Variants in ARID4B observed in about 807,000 individuals in gnomAD.
ARID4B encodes the protein AT-rich interactive domain-containing protein 4B.
A neutral mutation model predicts 147.5 loss-of-function variants in ARID4B; 26 were observed. That is an observed-to-expected ratio of 0.18 (90% CI 0.13 to 0.24). The LOEUF (loss-of-function observed/expected upper bound fraction) is 0.24, where lower values mean the gene tolerates loss of function less well. ARID4B is among the 10% of genes least tolerant of loss of function. The pLI, the probability that ARID4B is intolerant of heterozygous loss-of-function variation, is 1.00. For synonymous variants in ARID4B, 512 were observed against 507.9 expected (o/e 1.01, Z -0.11); for missense variants, 1,179 against 1,511.5 (o/e 0.78, Z 3.65).
At chr1:235,249,973 G>A (rs983523641) in intron 6 of ARID4B, among the ~76,000 whole-genome samples, 2 of 151,232 alleles carry the variant, frequency 1.3e-5, no homozygotes, top group African/African-American at 4.9e-5. Flanking sequence ...CAGGCGTGGG[G>A]GCAGGTGCCT....
intron 17 of ARID4B, among the ~76,000 whole-genome samples, chr1:235,204,937 T>A (rs563761726): frequency 6.6e-6 from 1 of 152,144 alleles, no homozygotes; most frequent in African/African-American, 2.4e-5. Flanking sequence ...ATGAAGGAAA[T>A]GTTTATGTTC....
intron 2 of ARID4B, among the ~76,000 whole-genome samples, chr1:235,303,017 G>A (rs1350850030): frequency 1.3e-5 from 2 of 151,770 alleles, no homozygotes; most frequent in African/African-American, 2.4e-5. Flanking sequence ...TCCGCCTCCC[G>A]GGTTCACGCC....
intron 7 of ARID4B, among the ~76,000 whole-genome samples, chr1:235,241,675 C>T (rs899818337): frequency 3.3e-5 from 5 of 151,968 alleles, no homozygotes; most frequent in Admixed American, 6.6e-5. Context: ...CCTGCCACCA[C>T]GCCCAGCTAA....
At chr1:235,277,567 A>G (rs1671402677) in intron 2 of ARID4B, among the ~76,000 whole-genome samples, 1 of 150,018 alleles carries the variant, frequency 6.7e-6, no homozygotes, top group Non-Finnish European at 1.5e-5. Flanking sequence ...ATAATAATGT[A>G]AATGAGACCA....
chr1:235,318,407 C>T (rs1053626135), intron 2 of ARID4B, among the ~76,000 whole-genome samples: 2 of 151,916 alleles, frequency 1.3e-5, no homozygotes, highest in Admixed American at 6.6e-5. Flanking sequence ...CTCCTGACAT[C>T]GTGATCCACC....
At chr1:235,229,619 G>T (rs1292809702) in intron 10 of ARID4B, among the ~76,000 whole-genome samples, 1 of 152,178 alleles carries the variant, frequency 6.6e-6, no homozygotes, top group African/African-American at 2.4e-5. Flanking sequence ...ACCATTGGAA[G>T]ATTACTTAAG....
chr1:235,173,768 AAAAATATATATATATAT>A (rs1307449838), intron 22 of ARID4B, among the ~76,000 whole-genome samples: 8 of 44,178 alleles, frequency 1.8e-4, no homozygotes, highest in African/African-American at 1.1e-3. Context: ...AAAAAAAAAA[AAAAATATATATATATAT>A]ATATATATAT....
chr1:235,279,936 T>C (rs1671560548), intron 2 of ARID4B, among the ~76,000 whole-genome samples: 1 of 152,238 alleles, frequency 6.6e-6, no homozygotes, highest in African/African-American at 2.4e-5. Flanking sequence ...GGGAGAAATT[T>C]GCACCTGGTT....
At chr1:235,263,069 G>A (rs546641899) in intron 2 of ARID4B, among the ~76,000 whole-genome samples, 1 of 152,172 alleles carries the variant, frequency 6.6e-6, no homozygotes, top group East Asian at 1.9e-4. Flanking sequence ...AAATGGCAGG[G>A]CAGTCTTCAT....
chr1:235,255,005 T>C (rs114995602), intron 5 of ARID4B, among the ~76,000 whole-genome samples: 3,692 of 151,982 alleles, frequency 0.024, 69 homozygotes, highest in Non-Finnish European at 0.035. Context: ...GTTTTTGGAG[T>C]ATATTTTTCT....
rs71172300 is a variant in ARID4B at position 235,312,976 on chromosome 1, A to AAAAAG, written c.6+13933_6+13937dup. Among the ~76,000 whole-genome samples the AAAAAG allele has an allele frequency of 8.1e-4, 123 of 151,470 alleles. 2 individuals carry two copies. The East Asian group carries it at 9.1e-3, about 11-fold the overall frequency. On this transcript the variant is annotated intron_variant, in intron 2 of 23. Transcript: ENST00000264183. ...ATGCACAGCAAGATTCTGCTTCAAG[A>AAAAAG]AAAAGAAAAGAAAAGAAAAGAAAAG...
Position 235,181,747 on chromosome 1 carries a change from C to T in ARID4B, c.3172G>A (p.Val1058Ile). 1.2e-6 allele frequency: 2 copies of T among 1,614,138 alleles called. No homozygotes were observed. The highest frequency in any genetic ancestry group is 8.5e-7 in the Non-Finnish European group (1 of 1,180,032). ...SEPLAPNQEE[V>I]RSIKSETDST... ...TCAGTTTCACTCTTGATACTTCGAA[C>T]CTCTTCTTGGTTTGGAGCCAGTGGT... Residue 1058 changes from valine to isoleucine, a missense_variant, in exon 20 of 24, where the codon GTT (valine) becomes ATT (isoleucine). By Grantham distance (29) the Val-to-Ile change is conservative (BLOSUM62 3). This residue lies in a region of ARID4B where 357 missense variants were observed against 427.3 expected (regional missense o/e 0.84). Transcript: ENST00000264183.
At chr1:235,310,941 G>C (rs1178009411) in intron 2 of ARID4B, among the ~76,000 whole-genome samples, 1 of 152,150 alleles carries the variant, frequency 6.6e-6, no homozygotes, top group Non-Finnish European at 1.5e-5. Context: ...AAACTGCTGG[G>C]ATTACAGGTA....
intron 19 of ARID4B, 84 bp downstream of exon 19, chr1:235,193,929 G>C (rs1352497784): frequency 2.0e-6 from 2 of 1,011,974 alleles, no homozygotes; most frequent in Non-Finnish European, 2.9e-6. Context: ...ACAGTAGTTG[G>C]TAATGTCACT....
At chr1:235,291,438 A>T (rs574872217) in intron 2 of ARID4B, among the ~76,000 whole-genome samples, 22 of 151,990 alleles carry the variant, frequency 1.4e-4, no homozygotes, top group South Asian at 4.1e-4. Flanking sequence ...AATAAATAAA[A>T]TAAATTTTTA....
intron 3 of ARID4B, among the ~76,000 whole-genome samples, chr1:235,260,302 G>C (rs1383599375): frequency 6.6e-6 from 1 of 152,018 alleles, no homozygotes; most frequent in Non-Finnish European, 1.5e-5. Flanking sequence ...TGGCATAATG[G>C]CCTTGGAGAA....
At chr1:235,234,933 T>C (rs1668462768) in intron 8 of ARID4B, among the ~76,000 whole-genome samples, 1 of 152,246 alleles carries the variant, frequency 6.6e-6, no homozygotes. Flanking sequence ...AACCAAAGAA[T>C]GTCATAATAG....
intron 2 of ARID4B, among the ~76,000 whole-genome samples, chr1:235,274,554 T>C (rs1034727724): frequency 6.6e-5 from 10 of 152,194 alleles, no homozygotes; most frequent in African/African-American, 2.4e-4. Context: ...AATAATAAAG[T>C]ATATACCTTT....
chr1:235,215,194 A>T (rs571668497), intron 16 of ARID4B, among the ~76,000 whole-genome samples: 1 of 152,192 alleles, frequency 6.6e-6, no homozygotes, highest in Admixed American at 6.5e-5. Context: ...AAAACTGAGC[A>T]TTCATATCCT....
Sources: gnomAD v4.1 joint callset for allele counts (sites outside exome capture counted in the v4.1 genomes callset) on GRCh38, gnomAD v4.1.1 for gene constraint, gnomAD v4.1.1 regional missense constraint, MANE v1.5 for transcripts, NCBI Gene and HGNC (gene_info 2026-07-23, HGNC 2026-07-21) for gene names.